FHOD3: variants seen among roughly 807,000 people sequenced by gnomAD.
FHOD3 encodes the protein FH1/FH2 domain-containing protein 3.
A neutral mutation model predicts 173.0 loss-of-function variants in FHOD3; 90 were observed. The observed-to-expected ratio is 0.52, with a 90% confidence interval of 0.44 to 0.62. The LOEUF (loss-of-function observed/expected upper bound fraction) is 0.62. Among genes scored for constraint, FHOD3 ranks in the 20% least tolerant of loss-of-function variants. The pLI is 0.00. For missense variants in FHOD3, 1,945 were observed against 2,034.7 expected, an observed-to-expected ratio of 0.96 and a Z score of 0.85; for synonymous variants, 828 against 823.0, an observed-to-expected ratio of 1.01 and a Z score of -0.10.
chr18:36,456,358 A>G (rs1336922635), intron 3 of FHOD3, among the ~76,000 whole-genome samples: 1 of 152,124 alleles, frequency 6.6e-6, no homozygotes. Context: ...AGACTTTATC[A>G]GCAGCACCAT....
At chr18:36,676,630 C>A (rs2469881) in intron 14 of FHOD3, among the ~76,000 whole-genome samples, 99,459 of 152,026 alleles carry the variant, frequency 0.65, 32,698 homozygotes, top group African/African-American at 0.67. Flanking sequence ...ATATTAATTT[C>A]GACTTCTAGA....
At chr18:36,406,822 G>A (rs1225605980) in intron 3 of FHOD3, among the ~76,000 whole-genome samples, 4 of 152,156 alleles carry the variant, frequency 2.6e-5, no homozygotes, top group Non-Finnish European at 5.9e-5. Flanking sequence ...GGCCCCACTA[G>A]GGTACTCTCT....
intron 5 of FHOD3, among the ~76,000 whole-genome samples, chr18:36,566,921 T>A (rs1363141935): frequency 3.9e-5 from 6 of 152,238 alleles, no homozygotes. Context: ...TTTCCCTTAA[T>A]AAGTGCAGTG....
At chr18:36,676,608 T>C (rs925285485) in intron 14 of FHOD3, among the ~76,000 whole-genome samples, 2 of 152,216 alleles carry the variant, frequency 1.3e-5, no homozygotes, top group African/African-American at 2.4e-5. Flanking sequence ...TGTTTTTTTT[T>C]CCAAAATGAT....
At chr18:36,645,538 A>G (rs993579678) in intron 10 of FHOD3, among the ~76,000 whole-genome samples, 1 of 152,126 alleles carries the variant, frequency 6.6e-6, no homozygotes, top group Admixed American at 6.6e-5. Context: ...CCGAGTCCAG[A>G]TCCATCTCTC....
rs145105311 is a variant in FHOD3 at position 36,388,285 on chromosome 18, G to A, written c.337+15541G>A. Reference sequence around the variant, plus strand: ...AGCTAAACAGGAAAAGCGAAACACCGGGAGCCCCCACTGGTCTCCCCAGGT... The same window carrying A: ...AGCTAAACAGGAAAAGCGAAACACCAGGAGCCCCCACTGGTCTCCCCAGGT... On this transcript the variant is annotated intron_variant, in intron 3 of 28. Coordinates refer to ENST00000590592, the MANE Select transcript of FHOD3 (RefSeq NM_001281740.3). 2.8e-3 allele frequency among the ~76,000 whole-genome samples: 428 copies of A among 152,182 alleles called. 1 individual carries two copies. The highest frequency in any genetic ancestry group is 9.7e-3 in the African/African-American group (402 of 41,510).
At chr18:36,414,640 C>G (rs913181847) in intron 3 of FHOD3, among the ~76,000 whole-genome samples, 3 of 152,182 alleles carry the variant, frequency 2.0e-5, no homozygotes, top group Non-Finnish European at 4.4e-5. Flanking sequence ...TCCCGTGGCC[C>G]CTGGTGGCTG....
chr18:36,743,308 CAAAAAAAAAAAAAAAAA>C lies in FHOD3; in HGVS notation c.3879+464_3879+480del, dbSNP rs57694311. The stretch of plus-strand genomic sequence containing the variant: ...TGGGTGACAGAGCAAGACTCTGTCT[CAAAAAAAAAAAAAAAAA>C]AAAAAAAAAAAGATATCAGGGCCGA... On this transcript the variant is annotated intron_variant, in intron 22 of 28. Coordinates refer to ENST00000590592, the MANE Select transcript of FHOD3 (RefSeq NM_001281740.3). 1.2e-3 allele frequency among the ~76,000 whole-genome samples: 76 copies of C among 65,886 alleles called. 1 individual carries two copies. Among genetic ancestry groups the C allele is most frequent in the Non-Finnish European group, 1.7e-3 (63 of 37,704 alleles). 43.2% of individuals were successfully genotyped at this position (65,886 alleles called of 152,430 possible). A position where few individuals can be genotyped will look rare whatever the true frequency, so the allele number is the denominator to read the frequency against.
chr18:36,362,755 G>A (rs570220911), intron 2 of FHOD3, among the ~76,000 whole-genome samples: 49 of 152,206 alleles, frequency 3.2e-4, no homozygotes, highest in Non-Finnish European at 5.1e-4. Flanking sequence ...ATCAGTAAGA[G>A]ACTCAGGTTT....
At chr18:36,707,150 GCCC>G (rs2039927152) in intron 17 of FHOD3, among the ~76,000 whole-genome samples, 1 of 152,206 alleles carries the variant, frequency 6.6e-6, no homozygotes, top group Non-Finnish European at 1.5e-5. Flanking sequence ...ACAGCTGTGT[GCCC>G]ATTGGCTTCC....
chr18:36,745,788 C>G (rs950013552), intron 23 of FHOD3, among the ~76,000 whole-genome samples: 5 of 149,746 alleles, frequency 3.3e-5, no homozygotes, highest in African/African-American at 1.2e-4. Context: ...CTCATCCCCC[C>G]ACCTGCACCC....
intron 17 of FHOD3, among the ~76,000 whole-genome samples, chr18:36,695,632 C>T (rs2039238494): frequency 6.6e-6 from 1 of 152,178 alleles, no homozygotes; most frequent in Non-Finnish European, 1.5e-5. Flanking sequence ...CAAGAGCAAA[C>T]AGTCTTCCTT....
chr18:36,741,200 C>T (rs954734687), intron 21 of FHOD3, among the ~76,000 whole-genome samples: 3 of 152,048 alleles, frequency 2.0e-5, no homozygotes, highest in African/African-American at 7.3e-5. Flanking sequence ...ATGATAATCA[C>T]CTAAACTGCC....
rs200842565 is a variant in FHOD3 at position 36,709,240 on chromosome 18, G to A, written c.2382G>A (p.Glu794=). The change falls in exon 18 of 29, where the codon GAG becomes GAA. Residue 794 remains glutamate (E), a synonymous_variant. Coordinates refer to ENST00000590592, the MANE Select transcript of FHOD3 (RefSeq NM_001281740.3). ...AAGTGGAGCAGGCACTAGAGCAAGAGCCGGAAGAAAGAGCCTCCCTCAGTG... is the reference window on the plus strand; with the variant it reads ...AAGTGGAGCAGGCACTAGAGCAAGAACCGGAAGAAAGAGCCTCCCTCAGTG... ...ETEVEQALEQ[E]PEERASLSEK... is the part of the protein sequence containing the mutation. 4.6e-4 allele frequency: 746 copies of A among 1,614,202 alleles called. 2 individuals carry two copies. The highest frequency in any genetic ancestry group is 1.6e-3 in the South Asian group (148 of 91,078).
At chr18:36,333,931 G>T (rs190766529) in intron 1 of FHOD3, among the ~76,000 whole-genome samples, 18 of 152,252 alleles carry the variant, frequency 1.2e-4, no homozygotes, top group African/African-American at 4.3e-4. Flanking sequence ...TCTGTATTCA[G>T]CCCTGTATTC....
chr18:36,592,720 T>C (rs2059265521), intron 6 of FHOD3, among the ~76,000 whole-genome samples: 1 of 152,142 alleles, frequency 6.6e-6, no homozygotes, highest in East Asian at 1.9e-4. Context: ...AGGCAAACCC[T>C]TCCCAGTGCT....
intron 24 of FHOD3, among the ~76,000 whole-genome samples, chr18:36,752,502 T>C (rs553860052): frequency 1.3e-5 from 2 of 152,298 alleles, no homozygotes; most frequent in East Asian, 3.9e-4. Flanking sequence ...CCCATAACCA[T>C]ACAATCTTCA....
chr18:36,699,617 A>C (rs2039469345), intron 17 of FHOD3, among the ~76,000 whole-genome samples: 1 of 152,218 alleles, frequency 6.6e-6, no homozygotes. Context: ...GATCTTAATC[A>C]CTACTCTGCT....
chr18:36,484,675 T>C (rs2054101824), intron 3 of FHOD3, among the ~76,000 whole-genome samples: 1 of 152,174 alleles, frequency 6.6e-6, no homozygotes. Context: ...AGGGAGCCTC[T>C]AAGTATGGTA....
Sources: allele counts gnomAD v4.1 joint callset (sites outside exome capture counted in the v4.1 genomes callset), GRCh38; gene constraint gnomAD v4.1.1; transcripts MANE v1.5; gene names NCBI Gene and HGNC (gene_info 2026-07-23, HGNC 2026-07-21).